FAM184B: variants seen among roughly 807,000 people sequenced by gnomAD.
FAM184B encodes the protein family with sequence similarity 184 member B, also known as protein FAM184B.
A neutral mutation model predicts 135.9 loss-of-function variants in FAM184B; 111 were observed. The observed-to-expected ratio is 0.82, with a 90% CI of 0.70 to 0.96. FAM184B has a LOEUF of 0.96. Ranked by LOEUF, FAM184B falls within the 40% of genes least tolerant of loss-of-function variation. The probability of loss-of-function intolerance (pLI) is 0.00; values close to 1 mark genes in which losing one functional copy is unlikely to be tolerated. For synonymous variants in FAM184B, 552 were observed against 524.8 expected (o/e 1.05, Z -0.71); for missense variants, 1,375 against 1,323.9 (o/e 1.04, Z -0.60).
chr4:17,668,570 T>G (rs555684902), intron 7 of FAM184B, among the ~76,000 whole-genome samples: 1 of 152,220 alleles, frequency 6.6e-6, no homozygotes, highest in Non-Finnish European at 1.5e-5. Context: ...TCTTGCTCTG[T>G]CATCCAGGCT....
chr4:17,765,803 T>C lies in FAM184B; in HGVS notation c.141+15356A>G, dbSNP rs910492486. Among the ~76,000 whole-genome samples, 6 of 152,322 alleles carry C rather than the reference T, an allele frequency of 3.9e-5. No individual in the cohort carries two copies. The East Asian group carries it at 1.2e-3, about 29-fold the overall frequency. On this transcript the variant is annotated intron_variant, in intron 1 of 17. Transcript: ENST00000265018. ...TGTTACAGTACTTAAAGGTGGTGTG[T>C]CCAGAGTTTGTTCCTTCTGATATTC...
At chr4:17,660,971 G>C (rs1265413163) in intron 8 of FAM184B, among the ~76,000 whole-genome samples, 1 of 152,092 alleles carries the variant, frequency 6.6e-6, no homozygotes, top group Non-Finnish European at 1.5e-5. Context: ...AGGCTGGGGG[G>C]TTAAGGAAGA....
rs565332256 is a variant in FAM184B, at chr4:17,651,469, C to T, written c.2191+1361G>A. Among the ~76,000 whole-genome samples, 338 of 123,730 alleles carry T rather than the reference C, an allele frequency of 2.7e-3. 1 individual carries two copies. Among genetic ancestry groups the T allele is most frequent in the South Asian group, 5.9e-3 (21 of 3,584 alleles). 81.2% of individuals were successfully genotyped at this position (123,730 alleles called of 152,430 possible). Reference sequence around the variant, plus strand: ...AGGAGAATGGTGTGAACCCAGGAGGCGGAGCTTGCAGTGAGCTGAGATCAT... The same window carrying T: ...AGGAGAATGGTGTGAACCCAGGAGGTGGAGCTTGCAGTGAGCTGAGATCAT... On this transcript the variant is annotated intron_variant, in intron 11 of 17. Transcript: ENST00000265018.
intron 10 of FAM184B, among the ~76,000 whole-genome samples, chr4:17,656,868 T>C (rs1715788391): frequency 6.6e-6 from 1 of 152,208 alleles, no homozygotes; most frequent in African/African-American, 2.4e-5. Context: ...TCCTTGTTTC[T>C]TGTTGTATTT....
At chr4:17,698,279 G>A (rs1324893747) in intron 5 of FAM184B, among the ~76,000 whole-genome samples, 1 of 151,962 alleles carries the variant, frequency 6.6e-6, no homozygotes, top group Non-Finnish European at 1.5e-5. Flanking sequence ...AGGTTTTATG[G>A]CACCCATTTT....
At chr4:17,648,632 C>T (rs1281240666) in intron 11 of FAM184B, among the ~76,000 whole-genome samples, 2 of 151,958 alleles carry the variant, frequency 1.3e-5, no homozygotes, top group Admixed American at 6.6e-5. Flanking sequence ...GGGATTATAG[C>T]GCGTGAGCCA....
intron 15 of FAM184B, 95 bp from the exon 16 acceptor site, chr4:17,635,208 GA>G: frequency 2.1e-6 from 2 of 948,874 alleles, no homozygotes; most frequent in Non-Finnish European, 3.2e-6. Flanking sequence ...AATAGAGAAG[GA>G]AAGTCCAGGG....
At chr4:17,655,612 A>G (rs886687999) in intron 10 of FAM184B, among the ~76,000 whole-genome samples, 5 of 152,158 alleles carry the variant, frequency 3.3e-5, no homozygotes, top group Admixed American at 3.3e-4. Context: ...AATACCTTAG[A>G]CAACTCCCTC....
chr4:17,660,755 T>C (rs1715898064), intron 8 of FAM184B, among the ~76,000 whole-genome samples: 1 of 150,090 alleles, frequency 6.7e-6, no homozygotes, highest in Non-Finnish European at 1.5e-5. Context: ...TCGGTTTAGA[T>C]TGGGATGTGA....
At position 17,641,107 on chromosome 4, in the gene FAM184B, T is replaced by A. The variant is rs918563095; in HGVS notation, c.2519+949A>T. ...CACCACCACGCTTGGCCAATTTTTC[T>A]ATTTTTAGTAGAGACGGGGTTTCAC... On this transcript the variant is annotated intron_variant, in intron 13 of 17. Transcript: ENST00000265018. Among the ~76,000 whole-genome samples, 38 of 152,246 alleles carry A rather than the reference T, an allele frequency of 2.5e-4. 1 individual carries two copies. The highest frequency in any genetic ancestry group is 8.4e-4 in the African/African-American group (35 of 41,552).
intron 1 of FAM184B, among the ~76,000 whole-genome samples, chr4:17,710,331 C>CAAAT (rs1250297210): frequency 6.6e-6 from 1 of 151,684 alleles, no homozygotes; most frequent in Non-Finnish European, 1.5e-5. Context: ...ATCACAAAAA[C>CAAAT]AAACAAACAA....
At chr4:17,737,397 A>G (rs111964152) in intron 1 of FAM184B, among the ~76,000 whole-genome samples, 175 of 151,602 alleles carry the variant, frequency 1.2e-3, no homozygotes, top group African/African-American at 3.8e-3. Flanking sequence ...TTGAGTCTTC[A>G]TATTAAATTG....
chr4:17,696,536 T>C lies in FAM184B; in HGVS notation c.1378-3124A>G, dbSNP rs1181443451. Among the ~76,000 whole-genome samples the C allele has an allele frequency of 7.2e-5, 11 of 152,284 alleles. No individual in the cohort carries two copies. The East Asian group carries it at 2.1e-3, about 29-fold the overall frequency. On this transcript the variant is annotated intron_variant, in intron 5 of 17. Coordinates refer to ENST00000265018, the MANE Select transcript of FAM184B (RefSeq NM_015688.2). ...AAGATGAACTAAAAGGCTGGAACCA[T>C]CGAGTGTGCTCACGCCTATAATCCC...
chr4:17,753,173 C>T lies in FAM184B; in HGVS notation c.141+27986G>A, dbSNP rs74456836. Among the ~76,000 whole-genome samples the T allele has an allele frequency of 5.9e-3, 900 of 152,326 alleles. 13 individuals are homozygous for T. The highest frequency in any genetic ancestry group is 0.02 in the African/African-American group (850 of 41,576). On this transcript the variant is annotated intron_variant, in intron 1 of 17. Coordinates refer to ENST00000265018, the MANE Select transcript of FAM184B (RefSeq NM_015688.2). Reference sequence around the variant, plus strand: ...GTGCTCCACTGTACCCCAAATGGACCTCCATTACCTCACACCCATCAGAAT... The same window carrying T: ...GTGCTCCACTGTACCCCAAATGGACTTCCATTACCTCACACCCATCAGAAT...
intron 11 of FAM184B, among the ~76,000 whole-genome samples, chr4:17,650,376 TC>T (rs1715582365): frequency 6.6e-6 from 1 of 152,228 alleles, no homozygotes; most frequent in South Asian, 2.1e-4. Flanking sequence ...GCTTGCACCT[TC>T]CCTTGAAGCC....
intron 1 of FAM184B, among the ~76,000 whole-genome samples, chr4:17,727,231 TAC>T (rs1270768149): frequency 6.6e-6 from 1 of 152,128 alleles, no homozygotes. Flanking sequence ...GAAGGACGTG[TAC>T]ACACACAGGG....
chr4:17,767,093 C>T (rs1718716384), intron 1 of FAM184B, among the ~76,000 whole-genome samples: 1 of 152,190 alleles, frequency 6.6e-6, no homozygotes, highest in Non-Finnish European at 1.5e-5. Context: ...GCCAGCCGGC[C>T]CCTCCGAGTG....
At chr4:17,652,472 G>A (rs1024532123) in intron 11 of FAM184B, among the ~76,000 whole-genome samples, 5 of 152,142 alleles carry the variant, frequency 3.3e-5, no homozygotes, top group African/African-American at 1.2e-4. Context: ...TATGAGGTAG[G>A]GACAACTGTA....
At chr4:17,661,552 T>A (rs1715921316) in intron 8 of FAM184B, among the ~76,000 whole-genome samples, 1 of 152,174 alleles carries the variant, frequency 6.6e-6, no homozygotes, top group Admixed American at 6.5e-5. Flanking sequence ...AAACTCCACC[T>A]CAAACAAACA....
Sources: gnomAD v4.1 joint callset for allele counts (sites outside exome capture counted in the v4.1 genomes callset) on GRCh38, gnomAD v4.1.1 for gene constraint, MANE v1.5 for transcripts, NCBI Gene and HGNC (gene_info 2026-07-23, HGNC 2026-07-21) for gene names.